GPR155: variants seen among roughly 807,000 people sequenced by gnomAD.
GPR155 encodes the protein lysosomal cholesterol signaling protein.
A neutral mutation model predicts 93.1 loss-of-function variants in GPR155; 65 were observed. The observed-to-expected ratio is 0.70, with a 90% CI of 0.57 to 0.86. GPR155 has a LOEUF of 0.86. Ranked by LOEUF, GPR155 falls within the 40% of genes least tolerant of loss-of-function variation. The pLI is 0.00. For missense variants in GPR155, 838 were observed against 1,034.8 expected, an observed-to-expected ratio of 0.81 and a Z score of 2.61; for synonymous variants, 319 against 360.1, an observed-to-expected ratio of 0.89 and a Z score of 1.29.
At chr2:174,456,438 C>T (rs1478429430) in intron 10 of GPR155, among the ~76,000 whole-genome samples, 2 of 151,866 alleles carry the variant, frequency 1.3e-5, no homozygotes, top group South Asian at 2.1e-4. Context: ...CTGAGTAGCT[C>T]GGACTACAGG....
intron 2 of GPR155, among the ~76,000 whole-genome samples, chr2:174,478,771 G>C (rs968414859): frequency 1.3e-5 from 2 of 152,004 alleles, no homozygotes. Flanking sequence ...ATGCTTGTCT[G>C]TGAGCAAGAG....
At chr2:174,475,014 G>C (rs1229137274) in intron 2 of GPR155, among the ~76,000 whole-genome samples, 2 of 152,012 alleles carry the variant, frequency 1.3e-5, no homozygotes, top group African/African-American at 2.4e-5. Flanking sequence ...TAGGTTTCTC[G>C]GCCGGGCGCG....
chr2:174,448,583 TGC>T, intron 11 of GPR155, among the ~76,000 whole-genome samples: 3 of 138,360 alleles, frequency 2.2e-5, no homozygotes, highest in African/African-American at 5.3e-5. Context: ...CAGGCCGGAC[TGC>T]GGACTGCAGT....
At position 174,453,885 on chromosome 2, in the gene GPR155, CAG is replaced by C. The variant is rs748919880; in HGVS notation, c.1772-46_1772-45del. On this transcript the variant is annotated intron_variant, in intron 10 of 15. Transcript: ENST00000392552. ...ATGTGAGAGTAGAGCCCAACCACAA[CAG>C]AAATGGACAATTTTAAGAAATGCCA... 15 of 1,242,504 alleles carry C rather than the reference CAG, an allele frequency of 1.2e-5. 1 individual carries two copies. The Admixed American group carries it at 1.4e-4, about 11-fold the overall frequency. 77.0% of individuals were successfully genotyped at this position (1,242,504 alleles called of 1,614,324 possible). A position where few individuals can be genotyped will look rare whatever the true frequency, so the allele number is the denominator to read the frequency against.
At chr2:174,461,820 C>T (rs559076016) in intron 7 of GPR155, 148 bp from the exon 8 acceptor site, 3 of 588,926 alleles carry the variant, frequency 5.1e-6, no homozygotes, top group East Asian at 2.9e-5. Flanking sequence ...TAAATAAATG[C>T]TATCCTCAAT....
intron 11 of GPR155, among the ~76,000 whole-genome samples, chr2:174,452,231 T>A (rs1321706170): frequency 1.3e-5 from 2 of 152,216 alleles, no homozygotes; most frequent in African/African-American, 4.8e-5. Context: ...GTTTCATATC[T>A]GATATGTTTT....
At chr2:174,455,348 C>T (rs943579592) in intron 10 of GPR155, among the ~76,000 whole-genome samples, 3 of 148,306 alleles carry the variant, frequency 2.0e-5, no homozygotes, top group Non-Finnish European at 4.5e-5. Context: ...GCTCAGGCAG[C>T]TGCAGGGAGA....
intron 2 of GPR155, 76 bp downstream of exon 2, chr2:174,481,421 G>C: frequency 3.5e-6 from 3 of 845,122 alleles, no homozygotes; most frequent in Non-Finnish European, 5.6e-6. Flanking sequence ...ATGAGAGTAA[G>C]AATCTGTTAC....
intron 1 of GPR155, among the ~76,000 whole-genome samples, chr2:174,484,721 A>G (rs1198026345): frequency 6.6e-6 from 1 of 152,188 alleles, no homozygotes; most frequent in East Asian, 1.9e-4. Flanking sequence ...GTGTGAGCCC[A>G]GGAGTTTCAG....
chr2:174,485,514 T>C (rs1420182528), intron 1 of GPR155, among the ~76,000 whole-genome samples: 2 of 151,438 alleles, frequency 1.3e-5, no homozygotes, highest in African/African-American at 4.9e-5. Flanking sequence ...GGAGAATCTC[T>C]TGCACCCGGG....
At chr2:174,485,204 G>T (rs548791833) in intron 1 of GPR155, among the ~76,000 whole-genome samples, 17 of 152,294 alleles carry the variant, frequency 1.1e-4, no homozygotes, top group Admixed American at 6.5e-4. Context: ...AACAGTGAAG[G>T]CAGAGCTCTT....
chr2:174,460,084 A>C lies in GPR155; in HGVS notation c.1565T>G (p.Ile522Ser). 1 of 1,609,662 alleles carries C rather than the reference A, an allele frequency of 6.2e-7. No homozygotes were observed. The highest frequency in any genetic ancestry group is 8.5e-7 in the Non-Finnish European group (1 of 1,178,316). Residue 522 changes from isoleucine (I) to serine (S), a missense_variant, in exon 10 of 16, where the codon ATC becomes AGC. This residue lies in a region of GPR155 where 663 missense variants were observed against 790.1 expected (regional missense o/e 0.84). Coordinates refer to ENST00000392552, the MANE Select transcript of GPR155 (RefSeq NM_152529.7). Reference sequence around the variant, plus strand: ...GCAGAACAGGGTGACTGCTGTGGTGATCATCTGCCGACATGAAAAAAAGAT... The same window carrying C: ...GCAGAACAGGGTGACTGCTGTGGTGCTCATCTGCCGACATGAAAAAAAGAT... ...SAFFYGKEQM[I>S]TTAVTLFCSI...
At chr2:174,451,834 A>G (rs1350711237) in intron 11 of GPR155, among the ~76,000 whole-genome samples, 1 of 151,972 alleles carries the variant, frequency 6.6e-6, no homozygotes, top group Non-Finnish European at 1.5e-5. Flanking sequence ...CTTTGTAGAG[A>G]TAGGGTCTGG....
At chr2:174,473,863 G>A (rs1688068919) in intron 2 of GPR155, among the ~76,000 whole-genome samples, 1 of 152,200 alleles carries the variant, frequency 6.6e-6, no homozygotes, top group Non-Finnish European at 1.5e-5. Context: ...TCCAAGCTGT[G>A]TAAGAAAAGA....
chr2:174,460,263 C>A lies in GPR155; in HGVS notation c.1561-175G>T, dbSNP rs376434867. Among the ~76,000 whole-genome samples, 19 of 150,450 alleles carry A rather than the reference C, an allele frequency of 1.3e-4. No individual in the cohort carries two copies. The South Asian group carries it at 3.6e-3, about 28-fold the overall frequency. On this transcript the variant is annotated intron_variant, in intron 9 of 15. Coordinates refer to ENST00000392552, the MANE Select transcript of GPR155 (RefSeq NM_152529.7). ...GCAACCTCTTCCTCCCAGGTTCACG[C>A]CATTCTCCTGCCTCAGCCTCCCAAG...
Position 174,442,079 on chromosome 2 carries a change from C to T in GPR155, c.2174+40G>A, listed in dbSNP as rs923116900. ...TATCTTAATATAATGGCTTTGTCAT[C>T]ACATTTACAGATACAGATTTATTTC... On this transcript the variant is annotated intron_variant, in intron 14 of 15. Transcript: ENST00000392552. The T allele has an allele frequency of 1.0e-5, 10 of 995,482 alleles. No homozygotes were observed. In the African/African-American group the frequency reaches 1.6e-4, roughly 16 times the overall value. The allele number at this position is 995,482 out of a possible 1,614,324, so 61.7% of individuals were successfully genotyped here. A position where few individuals can be genotyped will look rare whatever the true frequency, so the allele number is the denominator to read the frequency against.
chr2:174,461,278 CA>C (rs1687685033), intron 9 of GPR155, 123 bp downstream of exon 9: 3 of 649,052 alleles, frequency 4.6e-6, no homozygotes, highest in Non-Finnish European at 8.2e-6. Context: ...ATAGGATCAC[CA>C]ATCTGATATG....
At position 174,473,072 on chromosome 2, in the gene GPR155, A is replaced by C. The variant is rs1250138262; in HGVS notation, c.753T>G (p.Ser251=). 3 of 1,600,056 alleles carry C rather than the reference A, an allele frequency of 1.9e-6. No homozygotes were observed. The highest frequency in any genetic ancestry group is 2.5e-6 in the Non-Finnish European group (3 of 1,176,906). Residue 251 remains serine (S), a synonymous_variant, in exon 3 of 16, where the codon TCT becomes TCG. Transcript: ENST00000392552. ...GATAAAATAGGGCTGATCCAGAAAA[A>C]GAATTTCCAAGTCCATCAAGAAAAT... ...VENFLDGLGN[S]FSGSALFYLG...
At chr2:174,463,110 TC>T (rs1687746795) in intron 7 of GPR155, among the ~76,000 whole-genome samples, 1 of 121,388 alleles carries the variant, frequency 8.2e-6, no homozygotes, top group South Asian at 2.9e-4. Flanking sequence ...AAATTTTAAG[TC>T]TTTTTTTTTT....
Sources: gnomAD v4.1 joint callset for allele counts (sites outside exome capture counted in the v4.1 genomes callset) on GRCh38, gnomAD v4.1.1 for gene constraint, gnomAD v4.1.1 regional missense constraint, MANE v1.5 for transcripts, NCBI Gene and HGNC (gene_info 2026-07-23, HGNC 2026-07-21) for gene names.